GABRG3: variants seen among roughly 807,000 people sequenced by gnomAD.
GABRG3 encodes the protein gamma-aminobutyric acid type A receptor subunit gamma3.
Under a neutral mutation model 48.8 loss-of-function variants are expected in GABRG3, and 25 were observed. The ratio of observed to expected loss-of-function variants is 0.51; its 90% confidence interval spans 0.37 to 0.72. The LOEUF is 0.72. Among genes scored for constraint, GABRG3 ranks in the 30% least tolerant of loss-of-function variants. GABRG3 has a pLI of 0.00. For missense variants in GABRG3, 394 were observed against 577.9 expected (o/e 0.68, Z 3.26); for synonymous variants, 227 against 217.6 (o/e 1.04, Z -0.38).
chr15:26,989,488 T>G (rs1024454911), intron 2 of GABRG3, among the ~76,000 whole-genome samples: 1 of 152,186 alleles, frequency 6.6e-6, no homozygotes, highest in Non-Finnish European at 1.5e-5. Flanking sequence ...AACTTTTTTA[T>G]TGTTAACTTT....
At chr15:27,015,422 T>C (rs989157198) in intron 2 of GABRG3, among the ~76,000 whole-genome samples, 1 of 148,004 alleles carries the variant, frequency 6.8e-6, no homozygotes, top group African/African-American at 2.5e-5. Flanking sequence ...TCTCGCTCTG[T>C]CACCCAGGCT....
At position 27,157,566 on chromosome 15, in the gene GABRG3, A is replaced by G. The variant is rs1333862325; in HGVS notation, c.270+130745A>G. The G allele has an allele frequency of 3.3e-5, 5 of 152,196 alleles. No individual in the cohort carries two copies. In the East Asian group the frequency reaches 5.8e-4, roughly 18 times the overall value. 9.4% of individuals were successfully genotyped at this position (152,196 alleles called of 1,614,324 possible). On this transcript the variant is annotated intron_variant, in intron 3 of 9. Transcript: ENST00000615808. Reference sequence around the variant, plus strand: ...GATACTTACCCTTGTGCTCAAGTCAATCCTGAGCTTGGAGAGTAGGCAGAC... The same window carrying G: ...GATACTTACCCTTGTGCTCAAGTCAGTCCTGAGCTTGGAGAGTAGGCAGAC...
chr15:27,004,202 C>T (rs1232640544), intron 2 of GABRG3, among the ~76,000 whole-genome samples: 4 of 151,418 alleles, frequency 2.6e-5, no homozygotes, highest in Admixed American at 2.6e-4. Flanking sequence ...GGGGTGGCTG[C>T]CGGGCGGAGG....
At chr15:27,265,185 C>T (rs1165454973) in intron 3 of GABRG3, among the ~76,000 whole-genome samples, 1 of 152,114 alleles carries the variant, frequency 6.6e-6, no homozygotes, top group Admixed American at 6.6e-5. Flanking sequence ...TCCCTAATTG[C>T]CAATCTCACC....
At chr15:27,363,053 C>A (rs553417109) in intron 5 of GABRG3, 1 of 152,256 alleles carries the variant, frequency 6.6e-6, no homozygotes. Context: ...GTACATAATT[C>A]ATTACAATTT....
chr15:27,466,255 C>G (rs892101661), intron 5 of GABRG3, among the ~76,000 whole-genome samples: 12 of 152,316 alleles, frequency 7.9e-5, no homozygotes, highest in African/African-American at 2.9e-4. Flanking sequence ...TCAGTAGAAT[C>G]TACAATGTCT....
chr15:27,271,582 T>C (rs1200978011), intron 3 of GABRG3: 2 of 428,924 alleles, frequency 4.7e-6, no homozygotes, highest in Non-Finnish European at 9.2e-6. Flanking sequence ...GGCTGCTGGG[T>C]ATGCAACCTA....
At chr15:27,218,599 C>T (rs954549467) in intron 3 of GABRG3, among the ~76,000 whole-genome samples, 3 of 152,184 alleles carry the variant, frequency 2.0e-5, no homozygotes, top group African/African-American at 7.2e-5. Flanking sequence ...ATCTGTCTGA[C>T]TCAGTTGAGT....
chr15:27,307,006 G>GAACATGTTTATATATAAACATA lies in GABRG3; in HGVS notation c.271-19803_271-19802insAACATGTTTATATATAAACATA. 3.8e-5 allele frequency among the ~76,000 whole-genome samples: 3 copies of GAACATGTTTATATATAAACATA among 78,584 alleles called. 1 individual carries two copies. In the Admixed American group the frequency reaches 3.9e-4, roughly 10 times the overall value. 51.6% of individuals were successfully genotyped at this position (78,584 alleles called of 152,430 possible). On this transcript the variant is annotated intron_variant, in intron 3 of 9. Transcript: ENST00000615808. ...TATAAACATGTTTATATATAAACAT[G>GAACATGTTTATATATAAACATA]TATAAACATGTTTATATATAAACAT...
At chr15:27,019,312 C>A (rs956013543) in intron 2 of GABRG3, among the ~76,000 whole-genome samples, 3 of 151,874 alleles carry the variant, frequency 2.0e-5, no homozygotes, top group African/African-American at 7.3e-5. Flanking sequence ...CCTCGTGATC[C>A]CCCCGCCTTG....
intron 3 of GABRG3, among the ~76,000 whole-genome samples, chr15:27,119,072 T>TCTCCCTGTAC (rs1183369782): frequency 1.3e-5 from 2 of 152,136 alleles, no homozygotes; most frequent in Non-Finnish European, 2.9e-5. Context: ...CCAGCGGTAT[T>TCTCCCTGTAC]CTCCCTGTAC....
At chr15:27,047,546 C>T (rs905437522) in intron 3 of GABRG3, among the ~76,000 whole-genome samples, 1 of 152,150 alleles carries the variant, frequency 6.6e-6, no homozygotes, top group African/African-American at 2.4e-5. Flanking sequence ...AGGGCTGTTC[C>T]CTTTGTATCA....
At chr15:27,099,811 C>T (rs538234737) in intron 3 of GABRG3, among the ~76,000 whole-genome samples, 86 of 152,264 alleles carry the variant, frequency 5.6e-4, no homozygotes, top group African/African-American at 2.0e-3. Context: ...AACCACCAAT[C>T]ATCAATATTA....
intron 5 of GABRG3, among the ~76,000 whole-genome samples, chr15:27,424,441 G>A (rs1888227678): frequency 1.3e-5 from 2 of 152,126 alleles, no homozygotes; most frequent in Admixed American, 1.3e-4. Context: ...ACATGGCAGG[G>A]TCGGAGGGCA....
intron 3 of GABRG3, among the ~76,000 whole-genome samples, chr15:27,159,302 C>T (rs186764433): frequency 6.6e-6 from 1 of 151,972 alleles, no homozygotes; most frequent in African/African-American, 2.4e-5. Context: ...ACCAACATGG[C>T]AAAACCCCAT....
chr15:27,505,994 G>T (rs1204426014), intron 6 of GABRG3, among the ~76,000 whole-genome samples: 5 of 152,042 alleles, frequency 3.3e-5, no homozygotes, highest in African/African-American at 1.2e-4. Context: ...TGTTTTTCAG[G>T]GGATATGTTC....
chr15:27,391,467 T>A (rs1023372575), intron 5 of GABRG3, among the ~76,000 whole-genome samples: 1 of 152,038 alleles, frequency 6.6e-6, no homozygotes, highest in Admixed American at 6.5e-5. Context: ...GTAAAAATAA[T>A]AATAATAATA....
At chr15:27,235,455 A>C (rs145156605) in intron 3 of GABRG3, among the ~76,000 whole-genome samples, 28 of 151,178 alleles carry the variant, frequency 1.9e-4, no homozygotes, top group Non-Finnish European at 3.5e-4. Context: ...GAGATTATGT[A>C]CTTATCTTTA....
In GABRG3 at chr15:27,020,110, G is replaced by A. The variant is rs1007064119; in HGVS notation, c.203-6644G>A. On this transcript the variant is annotated intron_variant, in intron 2 of 9. Coordinates refer to ENST00000615808, the MANE Select transcript of GABRG3 (RefSeq NM_033223.5). ...GTTCTGTTTTCAGCCTCTCTTCCACGTAGGGGAACTGAGGCACAGAGATCT... is the reference window on the plus strand; with the variant it reads ...GTTCTGTTTTCAGCCTCTCTTCCACATAGGGGAACTGAGGCACAGAGATCT... Among the ~76,000 whole-genome samples the A allele has an allele frequency of 7.9e-5, 12 of 152,166 alleles. No homozygotes were observed. The East Asian group carries it at 9.7e-4, about 12-fold the overall frequency.
Sources: allele counts gnomAD v4.1 joint callset (sites outside exome capture counted in the v4.1 genomes callset), GRCh38; gene constraint gnomAD v4.1.1; transcripts MANE v1.5; gene names NCBI Gene and HGNC (gene_info 2026-07-23, HGNC 2026-07-21).